PCDHA12: variants seen among roughly 807,000 people sequenced by gnomAD.
The protein encoded by PCDHA12 is protocadherin alpha-12.
Under a neutral mutation model 60.0 loss-of-function variants are expected in PCDHA12, and 44 were observed. That is an observed-to-expected ratio of 0.73 (90% CI 0.58 to 0.94). The LOEUF is 0.94. Among genes scored for constraint, PCDHA12 ranks in the 40% least tolerant of loss-of-function variants. The pLI, the probability that PCDHA12 is intolerant of heterozygous loss-of-function variation, is 0.00. For synonymous variants in PCDHA12, 569 were observed against 553.0 expected (o/e 1.03, Z -0.40); for missense variants, 1,276 against 1,239.7 (o/e 1.03, Z -0.44).
At chr5:140,886,899 A>G (rs1054848231) in intron 1 of PCDHA12, among the ~76,000 whole-genome samples, 1 of 152,020 alleles carries the variant, frequency 6.6e-6, no homozygotes, top group Admixed American at 6.6e-5. Flanking sequence ...AATGCATTTA[A>G]TAAATACTTA....
chr5:140,914,504 T>A (rs1554196424), intron 1 of PCDHA12, among the ~76,000 whole-genome samples: 1 of 152,202 alleles, frequency 6.6e-6, no homozygotes, highest in Non-Finnish European at 1.5e-5. Flanking sequence ...AACAGATCAT[T>A]GGGTCATGTT....
intron 1 of PCDHA12, among the ~76,000 whole-genome samples, chr5:140,933,323 T>C (rs935740276): frequency 6.6e-6 from 1 of 152,016 alleles, no homozygotes; most frequent in Admixed American, 6.6e-5. Flanking sequence ...CGTATTCTCC[T>C]GTGCTGTAGA....
At chr5:140,884,503 AGGGAGTT>A (rs782338567) in intron 1 of PCDHA12, 2 of 1,613,940 alleles carry the variant, frequency 1.2e-6, no homozygotes, top group Non-Finnish European at 1.7e-6. Context: ...CCAGCGCGGC[AGGGAGTT>A]GGTCGTACTC....
intron 1 of PCDHA12, among the ~76,000 whole-genome samples, chr5:140,953,564 G>C (rs2094904127): frequency 6.6e-6 from 1 of 152,058 alleles, no homozygotes; most frequent in Non-Finnish European, 1.5e-5. Context: ...AAGTTTTAGT[G>C]CCCTCCTCTC....
rs184817309 is a variant in PCDHA12, at chr5:140,876,910, T to G, written c.1438T>G (p.Trp480Gly). Residue 480 changes from tryptophan (W) to glycine (G), a missense_variant, in exon 1 of 4, where the codon TGG becomes GGG. By Grantham distance (184) the Trp-to-Gly change is radical (BLOSUM62 -2). Coordinates refer to ENST00000398631, the MANE Select transcript of PCDHA12 (RefSeq NM_018903.4). The part of the protein sequence containing the change: ...PGCHIFTVSA[W>G]DADAQKNALV... The stretch of plus-strand genomic sequence containing the variant: ...CTGCCACATCTTCACGGTGTCGGCA[T>G]GGGACGCGGACGCGCAGAAGAACGC... 1.1e-5 allele frequency: 18 copies of G among 1,613,860 alleles called. No homozygotes were observed. The South Asian group carries it at 1.4e-4, about 13-fold the overall frequency.
intron 1 of PCDHA12, among the ~76,000 whole-genome samples, chr5:140,892,327 C>T (rs1399330185): frequency 6.6e-6 from 1 of 152,154 alleles, no homozygotes; most frequent in Non-Finnish European, 1.5e-5. Flanking sequence ...TTTCTTTCTC[C>T]AGAATGGATT....
At chr5:140,989,329 C>A (rs1554250749) in intron 3 of PCDHA12, among the ~76,000 whole-genome samples, 2 of 152,120 alleles carry the variant, frequency 1.3e-5, no homozygotes, top group African/African-American at 4.8e-5. Context: ...AACTTTGCCA[C>A]CTGACTCAGC....
intron 1 of PCDHA12, chr5:140,883,569 C>A (rs781786717): frequency 1.9e-6 from 3 of 1,614,134 alleles, no homozygotes; most frequent in South Asian, 2.2e-5. Flanking sequence ...GGCTCGCCTT[C>A]GCTGTGGGCC....
chr5:140,879,019 T>C (rs1554170641), intron 1 of PCDHA12, among the ~76,000 whole-genome samples: 2 of 152,216 alleles, frequency 1.3e-5, no homozygotes, highest in African/African-American at 4.8e-5. Flanking sequence ...AGATAATGTT[T>C]TATTGAAGAG....
chr5:140,982,254 T>C (rs1275431812), intron 2 of PCDHA12: 9 of 774,802 alleles, frequency 1.2e-5, no homozygotes, highest in Non-Finnish European at 1.5e-5. Flanking sequence ...AGATAGAACA[T>C]GTGTGTTCCT....
intron 1 of PCDHA12, among the ~76,000 whole-genome samples, chr5:140,893,033 A>G (rs1246631946): frequency 1.3e-5 from 2 of 152,230 alleles, no homozygotes; most frequent in African/African-American, 2.4e-5. Flanking sequence ...TTCACTTAAC[A>G]TATGCCCTCC....
chr5:140,981,845 T>C (rs184071298), intron 2 of PCDHA12, among the ~76,000 whole-genome samples: 129 of 152,310 alleles, frequency 8.5e-4, no homozygotes, highest in Middle Eastern at 3.4e-3. Flanking sequence ...TCCCAGTTTG[T>C]ATCTCACTCC....
chr5:140,887,880 G>A (rs2061617016), intron 1 of PCDHA12, among the ~76,000 whole-genome samples: 1 of 151,970 alleles, frequency 6.6e-6, no homozygotes, highest in African/African-American at 2.4e-5. Flanking sequence ...TCCTTTTGTA[G>A]TATCATATCT....
rs113142258 is a variant in PCDHA12, at chr5:140,939,756, T to C, written c.2368-39193T>C. 3.3e-3 allele frequency among the ~76,000 whole-genome samples: 504 copies of C among 152,358 alleles called. 2 individuals carry two copies. Among genetic ancestry groups the C allele is most frequent in the African/African-American group, 0.012 (483 of 41,584 alleles). Reference sequence around the variant, plus strand: ...AGCTGTGTATCATTCATTGTCATTATATAGTATTTCAGGGTGTGAATGGTC... The same window carrying C: ...AGCTGTGTATCATTCATTGTCATTACATAGTATTTCAGGGTGTGAATGGTC... On this transcript the variant is annotated intron_variant, in intron 1 of 3. Transcript: ENST00000398631.
chr5:140,929,289 G>C (rs574226775), intron 1 of PCDHA12: 2 of 1,597,364 alleles, frequency 1.3e-6, no homozygotes, highest in African/African-American at 2.7e-5. Flanking sequence ...TTCAGATTCG[G>C]AATAGGAAAG....
rs114421153 is a variant in PCDHA12, at chr5:140,919,495, A to T, written c.2367+41656A>T. ...TATTTGGATTTATGTTTGTTATTTT[A>T]CTCCTTTTTCTATATGTTTTAATTC... On this transcript the variant is annotated intron_variant, in intron 1 of 3. Coordinates refer to ENST00000398631, the MANE Select transcript of PCDHA12 (RefSeq NM_018903.4). 4.5e-3 allele frequency among the ~76,000 whole-genome samples: 671 copies of T among 150,296 alleles called. 3 individuals are homozygous for T. Among genetic ancestry groups the T allele is most frequent in the African/African-American group, 0.016 (651 of 40,928 alleles).
intron 1 of PCDHA12, chr5:140,884,726 T>A: frequency 6.9e-7 from 1 of 1,455,756 alleles, no homozygotes; most frequent in Non-Finnish European, 9.1e-7. Flanking sequence ...GTTGTTTGTT[T>A]AAGACATCTT....
At position 141,011,610 on chromosome 5, in the gene PCDHA12, A is replaced by G. The variant is rs1259686391; in HGVS notation, c.*1673A>G. ...ACTGGTGATTCAAGGAATTTTATTT[A>G]TGGTCCAGCCAAGAGCCATCTCGTG... On this transcript the variant is annotated 3_prime_UTR_variant, in exon 4 of 4. Transcript: ENST00000398631. 6 of 153,722 alleles carry G rather than the reference A, an allele frequency of 3.9e-5. No individual in the cohort carries two copies. Among genetic ancestry groups the G allele is most frequent in the African/African-American group, 1.2e-4 (5 of 41,448 alleles). 9.5% of individuals were successfully genotyped at this position (153,722 alleles called of 1,614,324 possible). A position where few individuals can be genotyped will look rare whatever the true frequency, so the allele number is the denominator to read the frequency against.
intron 3 of PCDHA12, 39 bp from the exon 4 acceptor site, chr5:141,009,588 G>A: frequency 6.3e-7 from 1 of 1,598,586 alleles, no homozygotes; most frequent in Non-Finnish European, 8.5e-7. Context: ...AAGAGCATGT[G>A]TTGACCCTGT....
Sources: allele counts gnomAD v4.1 joint callset (sites outside exome capture counted in the v4.1 genomes callset), GRCh38; gene constraint gnomAD v4.1.1; transcripts MANE v1.5; gene names NCBI Gene and HGNC (gene_info 2026-07-23, HGNC 2026-07-21).